Variants in SORCS2 observed in about 807,000 individuals in gnomAD.
SORCS2 encodes VPS10 domain-containing receptor SorCS2.
In SORCS2, 100 loss-of-function variants were observed where a neutral mutation model predicts 141.6. That is an observed-to-expected ratio of 0.71 (90% CI 0.60 to 0.83). SORCS2 has a LOEUF of 0.83. SORCS2 is among the 40% of genes least tolerant of loss of function. The pLI, the probability that SORCS2 is intolerant of heterozygous loss-of-function variation, is 0.00. For missense variants in SORCS2, 1,646 were observed against 1,560.2 expected, an observed-to-expected ratio of 1.05 and a Z score of -0.93; for synonymous variants, 789 against 676.9, an observed-to-expected ratio of 1.17 and a Z score of -2.57.
chr4:7,338,238 A>AGGAT (rs149832865), intron 1 of SORCS2, among the ~76,000 whole-genome samples: 22,242 of 142,520 alleles, frequency 0.16, 1,972 homozygotes, highest in Non-Finnish European at 0.21. Context: ...GTCGGATGGA[A>AGGAT]GGATGGATGG....
intron 3 of SORCS2, among the ~76,000 whole-genome samples, chr4:7,574,273 G>A (rs528004149): frequency 3.9e-5 from 6 of 152,290 alleles, no homozygotes; most frequent in South Asian, 4.1e-4. Flanking sequence ...CTTCTCCCAC[G>A]GGATCACCTT....
At chr4:7,359,419 C>T (rs1275536041) in intron 1 of SORCS2, among the ~76,000 whole-genome samples, 1 of 152,222 alleles carries the variant, frequency 6.6e-6, no homozygotes, top group Non-Finnish European at 1.5e-5. Flanking sequence ...CAGGCATGAG[C>T]CAACGTGCCT....
chr4:7,314,146 C>T (rs534841560), intron 1 of SORCS2, among the ~76,000 whole-genome samples: 4 of 152,204 alleles, frequency 2.6e-5, no homozygotes, highest in South Asian at 2.1e-4. Flanking sequence ...GCCTCTGTGC[C>T]GTGCGGTGAG....
At chr4:7,526,138 C>T (rs1460432891) in intron 2 of SORCS2, among the ~76,000 whole-genome samples, 2 of 152,382 alleles carry the variant, frequency 1.3e-5, no homozygotes, top group East Asian at 1.9e-4. Flanking sequence ...ACGACCCAGG[C>T]GCCATTCAGG....
At chr4:7,425,451 G>A (rs1401008049) in intron 2 of SORCS2, among the ~76,000 whole-genome samples, 1 of 152,190 alleles carries the variant, frequency 6.6e-6, no homozygotes, top group African/African-American at 2.4e-5. Context: ...TGAGAAACTG[G>A]TTTGGGAGTG....
chr4:7,361,471 C>T (rs1014208406), intron 1 of SORCS2, among the ~76,000 whole-genome samples: 2 of 152,216 alleles, frequency 1.3e-5, no homozygotes, highest in Admixed American at 6.5e-5. Context: ...GGCCTCAGTG[C>T]AGCCGGGAGA....
At chr4:7,372,604 A>G (rs1722331109) in intron 1 of SORCS2, among the ~76,000 whole-genome samples, 1 of 152,224 alleles carries the variant, frequency 6.6e-6, no homozygotes, top group Non-Finnish European at 1.5e-5. Flanking sequence ...CACTGCGCCC[A>G]GCCTGAAATT....
At chr4:7,447,947 G>A (rs774836995) in intron 2 of SORCS2, among the ~76,000 whole-genome samples, 5 of 152,048 alleles carry the variant, frequency 3.3e-5, no homozygotes, top group Non-Finnish European at 7.4e-5. Context: ...AGGCTGATGC[G>A]CTCCCTTCCC....
At chr4:7,496,079 C>T (rs1022040087) in intron 2 of SORCS2, among the ~76,000 whole-genome samples, 2 of 152,138 alleles carry the variant, frequency 1.3e-5, no homozygotes, top group Admixed American at 6.5e-5. Context: ...AGAGAATGGA[C>T]GGGGGTGGGG....
At chr4:7,439,171 A>G (rs1026216974) in intron 2 of SORCS2, among the ~76,000 whole-genome samples, 10 of 149,196 alleles carry the variant, frequency 6.7e-5, no homozygotes, top group Non-Finnish European at 1.2e-4. Context: ...GGAAGGAAGG[A>G]AGGAAGGAGT....
intron 3 of SORCS2, among the ~76,000 whole-genome samples, chr4:7,563,594 T>G (rs1218441349): frequency 6.6e-6 from 1 of 152,182 alleles, no homozygotes; most frequent in African/African-American, 2.4e-5. Flanking sequence ...CTGACCCAGC[T>G]CCCTTTCTGG....
At chr4:7,427,263 T>C (rs554398642) in intron 2 of SORCS2, among the ~76,000 whole-genome samples, 69 of 152,210 alleles carry the variant, frequency 4.5e-4, no homozygotes, top group African/African-American at 1.6e-3. Context: ...GGGGGGGGCT[T>C]TGAGTCACTG....
intron 2 of SORCS2, chr4:7,435,038 C>A (rs1577559181): frequency 2.3e-6 from 2 of 869,352 alleles, no homozygotes; most frequent in East Asian, 5.4e-5. Context: ...TTCCTGGCCT[C>A]TTCGCCTTTG....
At chr4:7,457,237 C>G (rs376151161) in intron 2 of SORCS2, among the ~76,000 whole-genome samples, 16 of 152,332 alleles carry the variant, frequency 1.1e-4, no homozygotes, top group Middle Eastern at 3.4e-3. Flanking sequence ...GGACCTGAAT[C>G]CCAGCCTGTC....
At chr4:7,652,590 C>G (rs1721515461) in intron 4 of SORCS2, among the ~76,000 whole-genome samples, 1 of 152,158 alleles carries the variant, frequency 6.6e-6, no homozygotes, top group African/African-American at 2.4e-5. Flanking sequence ...GGGCACAGAT[C>G]CAAGAACCCT....
At chr4:7,651,057 T>C (rs1029197960) in intron 4 of SORCS2, among the ~76,000 whole-genome samples, 2 of 151,948 alleles carry the variant, frequency 1.3e-5, no homozygotes, top group Non-Finnish European at 2.9e-5. Context: ...GGACATCAGT[T>C]ATAGAATCAC....
chr4:7,660,433 T>A (rs1004196666), intron 5 of SORCS2, among the ~76,000 whole-genome samples: 2 of 152,130 alleles, frequency 1.3e-5, no homozygotes, highest in Non-Finnish European at 2.9e-5. Flanking sequence ...CTTAGAGATA[T>A]CTATGGAACT....
At chr4:7,614,655 A>G in intron 3 of SORCS2, among the ~76,000 whole-genome samples, 1 of 148,288 alleles carries the variant, frequency 6.7e-6, no homozygotes, top group South Asian at 2.2e-4. Context: ...CCACCTATCC[A>G]CCCATCCACC....
intron 1 of SORCS2, among the ~76,000 whole-genome samples, chr4:7,215,969 G>T (rs1320666444): frequency 6.6e-6 from 1 of 151,782 alleles, no homozygotes; most frequent in Non-Finnish European, 1.5e-5. Flanking sequence ...GTGGCAACCC[G>T]CTCGGGTCCC....
Sources: gnomAD v4.1 joint callset for allele counts (sites outside exome capture counted in the v4.1 genomes callset) on GRCh38, gnomAD v4.1.1 for gene constraint, MANE v1.5 for transcripts, NCBI Gene and HGNC (gene_info 2026-07-23, HGNC 2026-07-21) for gene names.